Variants in ARHGEF9 observed in about 807,000 individuals in gnomAD.
ARHGEF9 encodes the protein rho guanine nucleotide exchange factor 9.
Under a neutral mutation model 41.3 loss-of-function variants are expected in ARHGEF9, and 2 were observed. The ratio of observed to expected loss-of-function variants is 0.05; its 90% CI spans 0.02 to 0.15. The LOEUF is 0.15. Ranked by LOEUF, ARHGEF9 falls within the 10% of genes least tolerant of loss-of-function variation. The pLI is 1.00. For synonymous variants in ARHGEF9, 160 were observed against 154.4 expected (o/e 1.04, Z -0.27); for missense variants, 225 against 424.7 (o/e 0.53, Z 4.13).
At chrX:63,749,319 C>A (rs1428370418) in intron 1 of ARHGEF9, among the ~76,000 whole-genome samples, 1 of 111,538 alleles carries the variant, frequency 9.0e-6, no homozygotes, top group Non-Finnish European at 1.9e-5. Context: ...GCATCCTCCG[C>A]CTCCTGGGTT....
chrX:63,754,036 A>G (rs1556444117), intron 1 of ARHGEF9, among the ~76,000 whole-genome samples: 1 of 112,061 alleles, frequency 8.9e-6, no homozygotes, highest in East Asian at 2.8e-4. Context: ...CCTGATGGCA[A>G]GAGAGAAATT....
At chrX:63,746,035 G>A (rs1175917286) in intron 1 of ARHGEF9, among the ~76,000 whole-genome samples, 3 of 112,186 alleles carry the variant, frequency 2.7e-5, no homozygotes, top group African/African-American at 3.2e-5. Context: ...TTTTAGTGAC[G>A]TGGAAGCTGA....
intron 5 of ARHGEF9, among the ~76,000 whole-genome samples, chrX:63,678,136 G>T (rs2050387263): frequency 8.9e-6 from 1 of 111,752 alleles, no homozygotes; most frequent in African/African-American, 3.3e-5. Flanking sequence ...AGTGGCAAAG[G>T]ACCCTCCTTT....
chrX:63,638,367 C>G (rs1351154820), intron 9 of ARHGEF9, among the ~76,000 whole-genome samples, 158 bp from the exon 10 acceptor site: 1 of 112,007 alleles, frequency 8.9e-6, no homozygotes, highest in Non-Finnish European at 1.9e-5. Flanking sequence ...ATTCCTCTTT[C>G]AAACAGATTT....
chrX:63,684,262 C>T (rs1298232433), intron 4 of ARHGEF9, among the ~76,000 whole-genome samples: 49 of 110,530 alleles, frequency 4.4e-4, no homozygotes, highest in Middle Eastern at 4.7e-3. Flanking sequence ...AACAGGTATA[C>T]GATGATGCTC....
At chrX:63,646,170 T>G (rs1165361965) in intron 8 of ARHGEF9, among the ~76,000 whole-genome samples, 11 of 111,854 alleles carry the variant, frequency 9.8e-5, no homozygotes, top group Admixed American at 5.7e-4. Context: ...TTTCTCCCAT[T>G]CTGTAGGTTG....
At chrX:63,703,881 G>A (rs1417129759) in intron 3 of ARHGEF9, among the ~76,000 whole-genome samples, 3 of 111,258 alleles carry the variant, frequency 2.7e-5, no homozygotes, top group Admixed American at 9.6e-5. Context: ...TGTAAATGTG[G>A]GGTGGGGAGG....
intron 1 of ARHGEF9, among the ~76,000 whole-genome samples, chrX:63,730,563 G>C (rs1223911897): frequency 8.9e-6 from 1 of 112,005 alleles, no homozygotes; most frequent in Admixed American, 9.4e-5. Flanking sequence ...CTTGAGTATT[G>C]ATTAGGTAGG....
chrX:63,782,633 T>C (rs1185825519), intron 1 of ARHGEF9, among the ~76,000 whole-genome samples: 1 of 112,374 alleles, frequency 8.9e-6, no homozygotes, highest in Non-Finnish European at 1.9e-5. Flanking sequence ...TAAAAAGAAA[T>C]CTCACTGTTA....
At chrX:63,773,646 C>T (rs1434945327) in intron 1 of ARHGEF9, among the ~76,000 whole-genome samples, 2 of 112,051 alleles carry the variant, frequency 1.8e-5, no homozygotes, top group African/African-American at 3.2e-5. Context: ...TCAAACATTA[C>T]TCTGGGTGTG....
In ARHGEF9 at chrX:63,724,529, C is replaced by T; in HGVS notation, c.210+3G>A. ...GGAGAGGAGAGTGAAGACTGACACT[C>T]ACCCTCACAAAGCTGGCAGGAAACC... On this transcript the variant is annotated splice_donor_region_variant and intron_variant, in intron 2 of 9. Transcript: ENST00000671741. The T allele has an allele frequency of 8.3e-7, 1 of 1,210,497 alleles. No individual in the cohort carries two copies. Among genetic ancestry groups the T allele is most frequent in the East Asian group, 3.0e-5 (1 of 33,760 alleles).
intron 2 of ARHGEF9, among the ~76,000 whole-genome samples, chrX:63,715,070 A>G (rs1335617231): frequency 2.7e-5 from 3 of 110,552 alleles, no homozygotes; most frequent in Non-Finnish European, 5.7e-5. Flanking sequence ...TTCACAGATA[A>G]CATAGCTTCC....
intron 4 of ARHGEF9, among the ~76,000 whole-genome samples, chrX:63,681,587 G>A (rs1485130201): frequency 9.1e-6 from 1 of 110,126 alleles, no homozygotes; most frequent in African/African-American, 3.3e-5. Context: ...AAATCCTTTG[G>A]GATGCAGCAA....
intron 2 of ARHGEF9, among the ~76,000 whole-genome samples, chrX:63,717,353 C>T (rs782010354): frequency 1.2e-4 from 13 of 112,117 alleles, no homozygotes; most frequent in African/African-American, 3.9e-4. Flanking sequence ...AATATCATTC[C>T]TATTAGTCTT....
At chrX:63,708,130 G>C (rs1226893606) in intron 2 of ARHGEF9, among the ~76,000 whole-genome samples, 3 of 109,266 alleles carry the variant, frequency 2.7e-5, no homozygotes, top group African/African-American at 1.0e-4. Context: ...GAATAGACCT[G>C]GGCAAAAAAA....
At chrX:63,717,110 G>A (rs1249239207) in intron 2 of ARHGEF9, among the ~76,000 whole-genome samples, 1 of 112,154 alleles carries the variant, frequency 8.9e-6, no homozygotes, top group Non-Finnish European at 1.9e-5. Context: ...CCAATGGGCA[G>A]AATGTTCAGG....
chrX:63,733,402 A>G (rs2054431603), intron 1 of ARHGEF9, among the ~76,000 whole-genome samples: 1 of 112,255 alleles, frequency 8.9e-6, no homozygotes, highest in South Asian at 3.7e-4. Context: ...AGGCAGAGAT[A>G]GATGCTAGGT....
At position 63,769,334 on chromosome X, in the gene ARHGEF9, C is replaced by G. The variant is rs1484046030; in HGVS notation, c.30+15782G>C. On this transcript the variant is annotated intron_variant, in intron 1 of 9. Transcript: ENST00000671741. ...TATCAGGTGAAAAAAAAATTCTAAGCAGCAAAGCATTCAAGATGTGACTTG... is the reference window on the plus strand; with the variant it reads ...TATCAGGTGAAAAAAAAATTCTAAGGAGCAAAGCATTCAAGATGTGACTTG... 2.7e-5 allele frequency among the ~76,000 whole-genome samples: 3 copies of G among 109,950 alleles called. No individual in the cohort carries two copies. The Admixed American group carries it at 2.9e-4, about 11-fold the overall frequency.
intron 5 of ARHGEF9, among the ~76,000 whole-genome samples, chrX:63,677,465 T>C (rs1253065024): frequency 1.8e-5 from 2 of 112,030 alleles, no homozygotes; most frequent in Non-Finnish European, 3.8e-5. Flanking sequence ...CAGCCTTTAG[T>C]TGCCTTCAAA....
Sources: gnomAD v4.1 joint callset for allele counts (sites outside exome capture counted in the v4.1 genomes callset) on GRCh38, gnomAD v4.1.1 for gene constraint, MANE v1.5 for transcripts, NCBI Gene and HGNC (gene_info 2026-07-23, HGNC 2026-07-21) for gene names.